RASGEF1B: variants seen among roughly 807,000 people sequenced by gnomAD.
RASGEF1B encodes RasGEF domain family member 1B, also known as ras-GEF domain-containing family member 1B.
In RASGEF1B, 30 loss-of-function variants were observed where a neutral mutation model predicts 65.7. That is an observed-to-expected ratio of 0.46 (90% CI 0.34 to 0.62). The LOEUF is 0.62. Ranked by LOEUF, RASGEF1B falls within the 20% of genes least tolerant of loss-of-function variation. The pLI is 0.01. For missense variants in RASGEF1B, 495 were observed against 580.1 expected (o/e 0.85, Z 1.51); for synonymous variants, 175 against 194.8 (o/e 0.90, Z 0.85).
chr4:81,453,408 A>G (rs1722333674), intron 4 of RASGEF1B: 1 of 152,156 alleles, frequency 6.6e-6, no homozygotes, highest in Non-Finnish European at 1.5e-5. Context: ...AATCATCTCT[A>G]CATTACTTAT....
chr4:81,469,703 AG>A (rs1298273590), intron 1 of RASGEF1B, among the ~76,000 whole-genome samples: 1 of 152,058 alleles, frequency 6.6e-6, no homozygotes, highest in Non-Finnish European at 1.5e-5. Flanking sequence ...GCTAAGCTGT[AG>A]GGGGTTAGCG....
At chr4:81,437,015 A>T (rs1721651860) in intron 10 of RASGEF1B, among the ~76,000 whole-genome samples, 1 of 152,230 alleles carries the variant, frequency 6.6e-6, no homozygotes, top group African/African-American at 2.4e-5. Context: ...CCATTATGTT[A>T]GAACTAAACA....
rs1721988613 is a variant in RASGEF1B, at chr4:81,445,560, G to C, written c.894C>G (p.Asn298Lys). 1.2e-6 allele frequency: 2 copies of C among 1,613,844 alleles called. No homozygotes were observed. The highest frequency in any genetic ancestry group is 1.7e-6 in the Non-Finnish European group (2 of 1,179,776). ...CCATCAAGGAGTTGAAGTTGCCAAT[G>C]TTAAAACACTCCCGAGCTACGTCAA... is the stretch of plus-strand genomic sequence containing the variant. ...YFIDVARECF[N>K]IGNFNSLMAI... The change falls in exon 8 of 14, where the codon AAC becomes AAG. Residue 298 changes from asparagine (N) to lysine (K), a missense_variant. By Grantham distance (94) the Asn-to-Lys change is moderately conservative. Coordinates refer to ENST00000264400, the MANE Select transcript of RASGEF1B (RefSeq NM_152545.3).
chr4:81,439,185 T>C (rs1721750322), intron 10 of RASGEF1B, among the ~76,000 whole-genome samples: 1 of 152,180 alleles, frequency 6.6e-6, no homozygotes, highest in Non-Finnish European at 1.5e-5. Context: ...ATTATGTAAA[T>C]TATGTTGAAC....
intron 8 of RASGEF1B, among the ~76,000 whole-genome samples, chr4:81,444,035 T>C (rs927881408): frequency 6.6e-5 from 10 of 152,244 alleles, no homozygotes; most frequent in African/African-American, 2.4e-4. Context: ...TGACTAATGA[T>C]GTGGAACACC....
At chr4:81,446,498 C>A (rs920858585) in intron 6 of RASGEF1B, among the ~76,000 whole-genome samples, 1 of 152,160 alleles carries the variant, frequency 6.6e-6, no homozygotes, top group African/African-American at 2.4e-5. Context: ...AGATAGAGTG[C>A]AAATACCAAC....
Position 81,456,709 on chromosome 4 carries a change from T to A in RASGEF1B, c.380A>T (p.Asp127Val), listed in dbSNP as rs372783789. 1.9e-6 allele frequency: 3 copies of A among 1,614,032 alleles called. No individual in the cohort carries two copies. The highest frequency in any genetic ancestry group is 3.3e-5 in the Admixed American group (2 of 60,002). Residue 127 changes from aspartate (D) to valine (V), a missense_variant, in exon 4 of 14, where the codon GAT becomes GTT. By Grantham distance (152) the Asp-to-Val change is radical. Coordinates refer to ENST00000264400, the MANE Select transcript of RASGEF1B (RefSeq NM_152545.3). Reference sequence around the variant, plus strand: ...TTTTAAGTTTCTCATCATTCTTTCATCCCGAAAATCATAGGGAAATGTTTC... The same window carrying A: ...TTTTAAGTTTCTCATCATTCTTTCAACCCGAAAATCATAGGGAAATGTTTC... ...WTETFPYDFR[D>V]ERMMRNLKDL...
intron 12 of RASGEF1B, 133 bp from the exon 13 acceptor site, chr4:81,432,504 G>A (rs1424313143): frequency 1.8e-6 from 1 of 556,016 alleles, no homozygotes; most frequent in Non-Finnish European, 3.2e-6. Flanking sequence ...TGACCAAGAA[G>A]CTTCACTGTT....
intron 4 of RASGEF1B, chr4:81,456,444 T>C (rs1277345738): frequency 1.5e-6 from 1 of 678,818 alleles, no homozygotes; most frequent in Non-Finnish European, 2.7e-6. Flanking sequence ...ATTAATCACA[T>C]AAAACTCTAG....
At chr4:81,453,125 G>C (rs1396534301) in intron 4 of RASGEF1B, 1 of 151,948 alleles carries the variant, frequency 6.6e-6, no homozygotes, top group Non-Finnish European at 1.5e-5. Flanking sequence ...TTCATTCATT[G>C]ATTGACTCAT....
chr4:81,466,246 T>C (rs1031044108), intron 1 of RASGEF1B, among the ~76,000 whole-genome samples: 2 of 152,184 alleles, frequency 1.3e-5, no homozygotes, highest in African/African-American at 4.8e-5. Flanking sequence ...TTCTTCCTTT[T>C]CTCCCTTGAA....
chr4:81,447,086 C>G (rs1048938978), intron 6 of RASGEF1B, among the ~76,000 whole-genome samples: 3 of 152,204 alleles, frequency 2.0e-5, no homozygotes, highest in African/African-American at 7.2e-5. Flanking sequence ...GCAAAGTAGT[C>G]AAGCCCCTTG....
intron 1 of RASGEF1B, among the ~76,000 whole-genome samples, chr4:81,462,422 T>C (rs1432184852): frequency 6.6e-6 from 1 of 152,212 alleles, no homozygotes; most frequent in Non-Finnish European, 1.5e-5. Flanking sequence ...TTATGGCTTA[T>C]TGTACTTAAA....
rs1204603098 is a variant in RASGEF1B at position 81,447,507 on chromosome 4, G to A, written c.726C>T (p.Asp242=). The A allele has an allele frequency of 1.9e-6, 3 of 1,612,576 alleles. No individual in the cohort carries two copies. Among genetic ancestry groups the A allele is most frequent in the Non-Finnish European group, 2.5e-6 (3 of 1,178,708 alleles). The change falls in exon 6 of 14, where the codon GAC becomes GAT. Residue 242 remains aspartate, a synonymous_variant. Coordinates refer to ENST00000264400, the MANE Select transcript of RASGEF1B (RefSeq NM_152545.3). ...GACCTTTGGGTAGACTGATTACCTTGTCATTATCCAAAGGGTCCTTCTGCA... is the reference window on the plus strand; with the variant it reads ...GACCTTTGGGTAGACTGATTACCTTATCATTATCCAAAGGGTCCTTCTGCA... ...AFVQKDPLDN[D]KSCYSERKKT...
chr4:81,432,304 A>C lies in RASGEF1B; in HGVS notation c.1392T>G (p.Ser464=). ...ENHIEKDRWK[S]LRSSLLGRV Reference sequence around the variant, plus strand: ...ATGAGAAGAATGAGACCCACCTTAAAGACTTCCATCTGTCTTTCTCTATAT... The same window carrying C: ...ATGAGAAGAATGAGACCCACCTTAACGACTTCCATCTGTCTTTCTCTATAT... Residue 464 remains serine, a synonymous_variant, in exon 13 of 14, where the codon TCT becomes TCG. Transcript: ENST00000264400. The C allele has an allele frequency of 6.2e-7, 1 of 1,603,756 alleles. No homozygotes were observed. The highest frequency in any genetic ancestry group is 8.5e-7 in the Non-Finnish European group (1 of 1,171,152).
intron 12 of RASGEF1B, among the ~76,000 whole-genome samples, chr4:81,433,194 G>A (rs993632050): frequency 5.3e-5 from 8 of 150,286 alleles, no homozygotes; most frequent in South Asian, 2.1e-4. Context: ...GTGCCACTGC[G>A]CTCCAGCCTG....
intron 4 of RASGEF1B, chr4:81,452,004 G>GC (rs1578630528): frequency 6.6e-6 from 1 of 152,410 alleles, no homozygotes. Context: ...GACTTGGTCT[G>GC]CAGTGCACTT....
At chr4:81,436,755 A>T (rs1230802955) in intron 10 of RASGEF1B, among the ~76,000 whole-genome samples, 1 of 152,244 alleles carries the variant, frequency 6.6e-6, no homozygotes, top group African/African-American at 2.4e-5. Context: ...GGGCTCACAC[A>T]CAAAAATATT....
intron 1 of RASGEF1B, chr4:81,470,996 G>T (rs1328009055): frequency 1.3e-5 from 2 of 152,134 alleles, no homozygotes; most frequent in African/African-American, 4.8e-5. Context: ...CCCTTAAGCT[G>T]ACTGCCCGCG....
Sources: gnomAD v4.1 joint callset for allele counts (sites outside exome capture counted in the v4.1 genomes callset) on GRCh38, gnomAD v4.1.1 for gene constraint, MANE v1.5 for transcripts, NCBI Gene and HGNC (gene_info 2026-07-23, HGNC 2026-07-21) for gene names.